The following NIBAN3 variants were observed in gnomAD, a reference collection of about 807,000 sequenced individuals.
NIBAN3 encodes protein Niban 3.
NIBAN3 carries 66 observed loss-of-function variants against 76.4 expected under a neutral mutation model. That is an observed-to-expected ratio of 0.86 (90% CI 0.71 to 1.06). The LOEUF (loss-of-function observed/expected upper bound fraction) is 1.06. NIBAN3 is among the 50% of genes least tolerant of loss of function. The pLI is 0.00. For missense variants in NIBAN3, 808 were observed against 810.7 expected (o/e 1.00, Z 0.04); for synonymous variants, 360 against 355.2 (o/e 1.01, Z -0.15).
intron 12 of NIBAN3, 48 bp downstream of exon 12, chr19:17,543,679 A>C (rs748948183): frequency 6.7e-6 from 10 of 1,491,762 alleles, no homozygotes; most frequent in Non-Finnish European, 8.3e-6. Context: ...ATCACCATGC[A>C]TCCACTTAAA....
intron 13 of NIBAN3, among the ~76,000 whole-genome samples, chr19:17,547,969 A>G (rs1191184034): frequency 1.3e-5 from 2 of 152,228 alleles, no homozygotes; most frequent in Non-Finnish European, 1.5e-5. Flanking sequence ...CTTAAAACAA[A>G]CAAAACTACG....
Position 17,543,594 on chromosome 19 carries a change from CT to C in NIBAN3, c.1521del (p.Phe507LeufsTer3). The C allele has an allele frequency of 6.2e-7, 1 of 1,614,086 alleles. No individual in the cohort carries two copies. Among genetic ancestry groups the C allele is most frequent in the Non-Finnish European group, 8.5e-7 (1 of 1,179,990 alleles). On this transcript the variant is annotated frameshift_variant, in exon 12 of 15. Transcript: ENST00000599164. LOFTEE classifies it high-confidence loss of function. Reference protein sequence around the residue: ...IRGWGLCIFLPFVLSQLEPGC... With the variant: ...IRGWGLCIFLXFVLSQLEPGC... The stretch of plus-strand genomic sequence containing the variant: ...GGCTGGGGTCTCTGCATCTTTTTAC[CT>C]TTTGTGCTGAGCCAACTCGAGCCAG...
At chr19:17,531,161 A>C (rs2144679452) in intron 2 of NIBAN3, among the ~76,000 whole-genome samples, 1 of 151,620 alleles carries the variant, frequency 6.6e-6, no homozygotes, top group South Asian at 2.1e-4. Flanking sequence ...ATCTCTACTA[A>C]AAATACAAAA....
intron 1 of NIBAN3, among the ~76,000 whole-genome samples, chr19:17,530,009 T>C (rs112522879): frequency 2.7e-5 from 4 of 150,642 alleles, no homozygotes; most frequent in African/African-American, 9.9e-5. Flanking sequence ...TGCAGTGAGC[T>C]GAGATTGCAC....
intron 13 of NIBAN3, among the ~76,000 whole-genome samples, chr19:17,548,650 G>T (rs937100160): frequency 5.3e-5 from 8 of 152,148 alleles, no homozygotes; most frequent in Non-Finnish European, 1.2e-4. Flanking sequence ...CAGCAGCCAG[G>T]CACTGTGGCT....
intron 2 of NIBAN3, among the ~76,000 whole-genome samples, chr19:17,531,678 C>T (rs1157764059): frequency 1.3e-5 from 2 of 152,114 alleles, no homozygotes; most frequent in African/African-American, 2.4e-5. Context: ...GGACCACAGG[C>T]GCCCGCCACC....
upstream of NIBAN3, among the ~76,000 whole-genome samples, chr19:17,526,661 A>G (rs1599700075): frequency 6.6e-6 from 1 of 150,928 alleles, no homozygotes; most frequent in Non-Finnish European, 1.5e-5. Flanking sequence ...AAAAAAAAAA[A>G]GGAAAAAGAA....
At chr19:17,549,184 T>C (rs1224256059) in intron 13 of NIBAN3, among the ~76,000 whole-genome samples, 1 of 152,170 alleles carries the variant, frequency 6.6e-6, no homozygotes, top group African/African-American at 2.4e-5. Context: ...TATCCTTAAG[T>C]GGGTCCATCC....
intron 3 of NIBAN3, 171 bp from the exon 4 acceptor site, chr19:17,533,415 CA>C (rs66723561): frequency 0.07 from 29,225 of 417,376 alleles, 127 homozygotes; most frequent in East Asian, 0.11. Flanking sequence ...GTCTCAAAAA[CA>C]AAAAAAAAAA....
chr19:17,549,324 A>G lies in NIBAN3; in HGVS notation c.1667-120A>G, dbSNP rs537971774. 244 of 734,468 alleles carry G rather than the reference A, an allele frequency of 3.3e-4. 2 individuals carry two copies. In the South Asian group the frequency reaches 3.7e-3, roughly 11 times the overall value. The allele number at this position is 734,468 out of a possible 1,614,324, so 45.5% of individuals were successfully genotyped here. ...GGGTGCGGGCTTGGAGAGAGGCTCT[A>G]TGTGAGCCACCTCTTTAGGATTTCT... On this transcript the variant is annotated intron_variant, in intron 13 of 14. Transcript: ENST00000599164.
intron 3 of NIBAN3, 48 bp downstream of exon 3, chr19:17,532,436 A>T: frequency 6.2e-7 from 1 of 1,613,026 alleles, no homozygotes; most frequent in South Asian, 1.1e-5. Flanking sequence ...CCTCCTTCCC[A>T]CCCCCGTCAG....
chr19:17,539,333 C>A lies in NIBAN3; in HGVS notation c.712-14C>A. The A allele has an allele frequency of 6.5e-7, 1 of 1,550,128 alleles. No individual in the cohort carries two copies. ...CCCGGCCGACCGCGGCGCCCATGGC[C>A]CCCTCTCCTGCAGGTGCTGACCGCG... On this transcript the variant is annotated splice_polypyrimidine_tract_variant and intron_variant, in intron 6 of 14. Transcript: ENST00000599164.
chr19:17,532,892 GGAGA>G (rs967392400), intron 3 of NIBAN3, among the ~76,000 whole-genome samples: 46 of 152,016 alleles, frequency 3.0e-4, no homozygotes, highest in African/African-American at 1.1e-3. Flanking sequence ...AGGGAAGGAG[GGAGA>G]GAGAGGGCAA....
Position 17,553,615 on chromosome 19 carries a change from C to G in NIBAN3, c.*1717C>G. 2 of 1,493,592 alleles carry G rather than the reference C, an allele frequency of 1.3e-6. No individual in the cohort carries two copies. Among genetic ancestry groups the G allele is most frequent in the Non-Finnish European group, 1.9e-6 (2 of 1,072,406 alleles). 92.5% of individuals were successfully genotyped at this position (1,493,592 alleles called of 1,614,324 possible). A position where few individuals can be genotyped will look rare whatever the true frequency, so the allele number is the denominator to read the frequency against. On this transcript the variant is annotated 3_prime_UTR_variant, in exon 15 of 15. Coordinates refer to ENST00000599164, the MANE Select transcript of NIBAN3 (RefSeq NM_001321827.2). The stretch of plus-strand genomic sequence containing the variant: ...CCCTCCAACCCCACCTTCCGAAATA[C>G]ATTTGCTCAATACATTTGCACTTCA...
chr19:17,539,912 G>T (rs992898668), intron 8 of NIBAN3, 147 bp downstream of exon 8: 8 of 610,168 alleles, frequency 1.3e-5, no homozygotes, highest in Non-Finnish European at 2.2e-5. Context: ...GATGTGCAAG[G>T]GAACGGGTGG....
At chr19:17,525,629 C>T (rs371234687), upstream of NIBAN3, among the ~76,000 whole-genome samples, 19 of 152,080 alleles carry the variant, frequency 1.2e-4, no homozygotes, top group South Asian at 3.1e-3. Flanking sequence ...GACAAGACCG[C>T]GGGGGTCAGA....
At chr19:17,549,957 C>A in intron 14 of NIBAN3, 1 of 342,052 alleles carries the variant, frequency 2.9e-6, no homozygotes, top group South Asian at 9.2e-5. Context: ...GCTGGGACTA[C>A]AGGCGGCACA....
At chr19:17,547,332 G>A (rs558213838) in intron 13 of NIBAN3, among the ~76,000 whole-genome samples, 12 of 135,704 alleles carry the variant, frequency 8.8e-5, no homozygotes, top group African/African-American at 2.7e-4. Context: ...GCAGCCTGGC[G>A]ACAGAACGAG....
Position 17,543,533 on chromosome 19 carries a change from T to C in NIBAN3, c.1456T>C (p.Ser486Pro). Residue 486 changes from serine to proline, a missense_variant, in exon 12 of 15, where the codon TCG (serine) becomes CCG (proline). By Grantham distance (74) the Ser-to-Pro change is moderately conservative. Transcript: ENST00000599164. Reference protein sequence around the residue: ...VRGRVLKKFKSDSGLAQRRFI... With the variant: ...VRGRVLKKFKPDSGLAQRRFI... ...TGGGTGTGTTGTGCAGAAATTCAAA[T>C]CGGACAGCGGGTTGGCGCAGAGGAG... The C allele has an allele frequency of 6.2e-7, 1 of 1,614,086 alleles. No homozygotes were observed. Among genetic ancestry groups the C allele is most frequent in the Non-Finnish European group, 8.5e-7 (1 of 1,180,008 alleles).
Sources: gnomAD v4.1 joint callset for allele counts (sites outside exome capture counted in the v4.1 genomes callset) on GRCh38, gnomAD v4.1.1 for gene constraint, MANE v1.5 for transcripts, NCBI Gene and HGNC (gene_info 2026-07-23, HGNC 2026-07-21) for gene names.